Variants in CDCA3 observed in about 807,000 individuals in gnomAD.
CDCA3 encodes the protein cell division cycle-associated protein 3.
In CDCA3, 16 loss-of-function variants were observed where a neutral mutation model predicts 29.1. The observed-to-expected ratio is 0.55, with a 90% CI of 0.37 to 0.83. The LOEUF is 0.83. Ranked by LOEUF, CDCA3 falls within the 40% of genes least tolerant of loss-of-function variation. CDCA3 has a pLI of 0.00. For synonymous variants in CDCA3, 88 were observed against 124.5 expected (o/e 0.71, Z 1.95); for missense variants, 291 against 327.2 (o/e 0.89, Z 0.85).
rs1555125636 is a variant in CDCA3, at chr12:6,849,331, GT to G, written c.642del (p.Leu215TyrfsTer10). On this transcript the variant is annotated frameshift_variant, in exon 5 of 6. Transcript: ENST00000538862. LOFTEE classifies it high-confidence loss of function. The surrounding 1 kb of genome is among the most constrained non-coding windows in gnomAD (Gnocchi z 5.2). ...ACTTTCTCTTCCTTTACCTGTCGTAGTGTCAGGGTGCCAGGGGAGTTGTCAT... is the reference window on the plus strand; with the variant it reads ...ACTTTCTCTTCCTTTACCTGTCGTAGGTCAGGGTGCCAGGGGAGTTGTCAT... Reference protein sequence around the residue: ...LQDDNSPGTLTLRQGKRPSPL... With the variant: ...LQDDNSPGTLXLRQGKRPSPL... 2 of 1,600,798 alleles carry G rather than the reference GT, an allele frequency of 1.2e-6. No homozygotes were observed. Among genetic ancestry groups the G allele is most frequent in the Admixed American group, 3.4e-5 (2 of 58,602 alleles).
intron 1 of CDCA3, 31 bp downstream of exon 1, chr12:6,851,187 TCTAA>T (rs1943874724): frequency 1.5e-6 from 2 of 1,333,150 alleles, no homozygotes; most frequent in African/African-American, 1.5e-5. Flanking sequence ...TGCTGAGCCC[TCTAA>T]CTTATTTATT....
chr12:6,846,825 G>T, downstream of CDCA3: 1 of 1,600,940 alleles, frequency 6.2e-7, no homozygotes, highest in Non-Finnish European at 8.5e-7. Flanking sequence ...AGGGTGAGCT[G>T]CCTGGGAGTC....
Position 6,848,996 on chromosome 12 carries a change from G to C in CDCA3, c.*47C>G, listed in dbSNP as rs1164665324. 1 of 775,730 alleles carries C rather than the reference G, an allele frequency of 1.3e-6. No individual in the cohort carries two copies. Among genetic ancestry groups the C allele is most frequent in the Non-Finnish European group, 2.4e-6 (1 of 420,542 alleles). 48.1% of individuals were successfully genotyped at this position (775,730 alleles called of 1,614,324 possible). The stretch of plus-strand genomic sequence containing the variant: ...GGGAAAGAAGGGGTGAGAGGACACA[G>C]ATATCACCAGGCCCTGGGTGACTGC... On this transcript the variant is annotated 3_prime_UTR_variant, in exon 6 of 6. Coordinates refer to ENST00000538862, the MANE Select transcript of CDCA3 (RefSeq NM_031299.7).
In CDCA3 at chr12:6,850,112, A is replaced by T. The variant is rs966364827; in HGVS notation, c.251-254T>A. The T allele has an allele frequency of 1.1e-4, 56 of 506,938 alleles. 1 individual carries two copies. In the South Asian group the frequency reaches 1.7e-3, roughly 15 times the overall value. The allele number at this position is 506,938 out of a possible 1,614,324, so 31.4% of individuals were successfully genotyped here. Reference sequence around the variant, plus strand: ...CCTTGTGGGCTCAAGCAATCCTCCCACTTCAGCCTCCTGAGTAGCTGGGAT... The same window carrying T: ...CCTTGTGGGCTCAAGCAATCCTCCCTCTTCAGCCTCCTGAGTAGCTGGGAT... On this transcript the variant is annotated intron_variant, in intron 3 of 5. Coordinates refer to ENST00000538862, the MANE Select transcript of CDCA3 (RefSeq NM_031299.7). The surrounding 1 kb of genome is among the most constrained non-coding windows in gnomAD (Gnocchi z 4.7).
At chr12:6,851,170 C>A in intron 1 of CDCA3, 52 bp downstream of exon 1, 1 of 1,376,418 alleles carries the variant, frequency 7.3e-7, no homozygotes, top group Non-Finnish European at 9.4e-7. Flanking sequence ...ATGGCTCGTT[C>A]TGGGCCTGCT....
At chr12:6,845,489 G>T, downstream of CDCA3, 2 of 776,648 alleles carry the variant, frequency 2.6e-6, no homozygotes, top group South Asian at 1.6e-5. Context: ...TGAGAGCAGC[G>T]GCTTGCCCTG....
In CDCA3 at chr12:6,849,496, C is replaced by T. The variant is rs1555125720; in HGVS notation, c.545-67G>A. ...ACTTACAGTTTATTCCTCCCACACT[C>T]ACCCATGGACCTTATCCCAAAACAT... On this transcript the variant is annotated intron_variant, in intron 4 of 5. Transcript: ENST00000538862. This position sits in a 1 kb window ranked among gnomAD's most constrained non-coding sequence, Gnocchi z 5.2. 6.4e-7 allele frequency: 1 copy of T among 1,555,454 alleles called. No individual in the cohort carries two copies. Among genetic ancestry groups the T allele is most frequent in the Non-Finnish European group, 8.7e-7 (1 of 1,148,930 alleles).
downstream of CDCA3, among the ~76,000 whole-genome samples, chr12:6,847,832 A>G (rs1439901323): frequency 6.6e-6 from 1 of 152,182 alleles, no homozygotes; most frequent in East Asian, 1.9e-4. Context: ...GCACTGGGGA[A>G]ACAAGGTAGG....
chr12:6,850,386 C>G lies in CDCA3; in HGVS notation c.250+81G>C. The G allele has an allele frequency of 6.4e-7, 1 of 1,571,042 alleles. No homozygotes were observed. Among genetic ancestry groups the G allele is most frequent in the Non-Finnish European group, 8.7e-7 (1 of 1,147,042 alleles). On this transcript the variant is annotated intron_variant, in intron 3 of 5. Coordinates refer to ENST00000538862, the MANE Select transcript of CDCA3 (RefSeq NM_031299.7). The surrounding 1 kb of genome is among the most constrained non-coding windows in gnomAD (Gnocchi z 4.7). Reference sequence around the variant, plus strand: ...GGAGGATAGAGGCCCCTTTAAGGAACCCTGAGAGAATGGCTTCATGGACCC... The same window carrying G: ...GGAGGATAGAGGCCCCTTTAAGGAAGCCTGAGAGAATGGCTTCATGGACCC...
Position 6,850,659 on chromosome 12 carries a change from T to C in CDCA3, c.121-63A>G, listed in dbSNP as rs753222013. 125 of 1,608,674 alleles carry C rather than the reference T, an allele frequency of 7.8e-5. No individual in the cohort carries two copies. The highest frequency in any genetic ancestry group is 7.4e-5 in the Non-Finnish European group (87 of 1,176,144). ...ACTCTTCTCTCCTCTCCTCCCCATATTCCAGGAAGGAATTGCCAAGGCCCT... is the reference window on the plus strand; with the variant it reads ...ACTCTTCTCTCCTCTCCTCCCCATACTCCAGGAAGGAATTGCCAAGGCCCT... On this transcript the variant is annotated intron_variant, in intron 2 of 5. Transcript: ENST00000538862. The surrounding 1 kb of genome is among the most constrained non-coding windows in gnomAD (Gnocchi z 4.7).
Position 6,850,062 on chromosome 12 carries a change from T to G in CDCA3, c.251-204A>C, listed in dbSNP as rs1555125968. ...TCCCCCAGGCTGGAGTGCAGTGGCGTGATCACAGTTCACTGCAGCCTTGAC... is the reference window on the plus strand; with the variant it reads ...TCCCCCAGGCTGGAGTGCAGTGGCGGGATCACAGTTCACTGCAGCCTTGAC... On this transcript the variant is annotated intron_variant, in intron 3 of 5. Coordinates refer to ENST00000538862, the MANE Select transcript of CDCA3 (RefSeq NM_031299.7). This position sits in a 1 kb window ranked among gnomAD's most constrained non-coding sequence, Gnocchi z 4.7. The G allele has an allele frequency of 3.8e-6, 2 of 519,700 alleles. No homozygotes were observed. Among genetic ancestry groups the G allele is most frequent in the Non-Finnish European group, 6.7e-6 (2 of 296,842 alleles). The allele number at this position is 519,700 out of a possible 1,614,324, so 32.2% of individuals were successfully genotyped here.
downstream of CDCA3, chr12:6,846,890 T>G (rs1555124870): frequency 1.3e-6 from 2 of 1,575,598 alleles, no homozygotes; most frequent in East Asian, 2.3e-5. Context: ...CCTCAAAATC[T>G]GGAACTGAGG....
chr12:6,850,172 T>A lies in CDCA3; in HGVS notation c.250+295A>T. ...ATGCCACCGTGCTTTTGTGTGTGTG[T>A]GTGTGTGTTATGTGTGTGTATTTTT... is the stretch of plus-strand genomic sequence containing the variant. On this transcript the variant is annotated intron_variant, in intron 3 of 5. Transcript: ENST00000538862. The surrounding 1 kb of genome is among the most constrained non-coding windows in gnomAD (Gnocchi z 4.7). 1.9e-6 allele frequency: 1 copy of A among 520,856 alleles called. No homozygotes were observed. Among genetic ancestry groups the A allele is most frequent in the Non-Finnish European group, 3.4e-6 (1 of 290,452 alleles). The allele number at this position is 520,856 out of a possible 1,614,324, so 32.3% of individuals were successfully genotyped here.
intron 1 of CDCA3, 27 bp from the exon 2 acceptor site, chr12:6,851,036 C>T (rs1454195984): frequency 2.0e-6 from 3 of 1,499,050 alleles, no homozygotes; most frequent in African/African-American, 1.4e-5. Context: ...AGGTCTCAGC[C>T]CTTATCTCTT....
Position 6,850,846 on chromosome 12 carries a change from C to A in CDCA3, c.107G>T (p.Arg36Leu), listed in dbSNP as rs782308916. The change falls in exon 2 of 6, where the codon CGC becomes CTC. Residue 36 changes from arginine to leucine, a missense_variant. Coordinates refer to ENST00000538862, the MANE Select transcript of CDCA3 (RefSeq NM_031299.7). This position sits in a 1 kb window ranked among gnomAD's most constrained non-coding sequence, Gnocchi z 4.7. ...GGCCCAGAGTACCTGGATGGGAGTG[C>A]GCAGGATGCCAGCACTAGGTGAACG... ...DPRSPSAGIL[R>L]TPIQVESSPQ... is the part of the protein sequence containing the mutation. 3 of 1,613,804 alleles carry A rather than the reference C, an allele frequency of 1.9e-6. No homozygotes were observed. The East Asian group carries it at 6.7e-5, about 36-fold the overall frequency.
At chr12:6,845,272 G>C, downstream of CDCA3, 1 of 344,786 alleles carries the variant, frequency 2.9e-6, no homozygotes, top group Non-Finnish European at 5.5e-6. Flanking sequence ...TGTGTAGTCT[G>C]GGAGTCTGGG....
downstream of CDCA3, chr12:6,845,642 G>A (rs376864994): frequency 2.5e-6 from 4 of 1,613,876 alleles, no homozygotes; most frequent in African/African-American, 4.0e-5. Flanking sequence ...CCTGCCGCTT[G>A]TTTGACCTGC....
At position 6,850,366 on chromosome 12, in the gene CDCA3, A is replaced by T; in HGVS notation, c.250+101T>A. The T allele has an allele frequency of 6.9e-7, 1 of 1,459,418 alleles. No individual in the cohort carries two copies. Among genetic ancestry groups the T allele is most frequent in the Non-Finnish European group, 9.5e-7 (1 of 1,054,820 alleles). The allele number at this position is 1,459,418 out of a possible 1,614,324, so 90.4% of individuals were successfully genotyped here. On this transcript the variant is annotated intron_variant, in intron 3 of 5. Transcript: ENST00000538862. The surrounding 1 kb of genome is among the most constrained non-coding windows in gnomAD (Gnocchi z 4.7). ...AGTGAGATGGGTCCGAAGCAGGAGGATAGAGGCCCCTTTAAGGAACCCTGA... is the reference window on the plus strand; with the variant it reads ...AGTGAGATGGGTCCGAAGCAGGAGGTTAGAGGCCCCTTTAAGGAACCCTGA...
downstream of CDCA3, chr12:6,845,713 T>C: frequency 6.2e-7 from 1 of 1,614,130 alleles, no homozygotes; most frequent in Non-Finnish European, 8.5e-7. Context: ...ATCACGTCCG[T>C]GGCCTTCTCC....
Sources: allele counts gnomAD v4.1 joint callset (sites outside exome capture counted in the v4.1 genomes callset), GRCh38; gene constraint gnomAD v4.1.1; non-coding constraint Gnocchi (gnomAD v3.1); transcripts MANE v1.5; gene names NCBI Gene and HGNC (gene_info 2026-07-23, HGNC 2026-07-21).